The following MDM2 variants were observed in gnomAD, a reference collection of about 807,000 sequenced individuals.
The protein encoded by MDM2 is MDM2 proto-oncogene.
Under a neutral mutation model 64.3 loss-of-function variants are expected in MDM2, and 11 were observed. The ratio of observed to expected loss-of-function variants is 0.17; its 90% CI spans 0.11 to 0.28. MDM2 has a LOEUF of 0.28. Among genes scored for constraint, MDM2 ranks in the 10% least tolerant of loss-of-function variants. MDM2 has a pLI of 1.00. For synonymous variants in MDM2, 194 were observed against 192.9 expected, an observed-to-expected ratio of 1.01 and a Z score of -0.05; for missense variants, 388 against 577.1, an observed-to-expected ratio of 0.67 and a Z score of 3.36.
Position 68,808,252 on chromosome 12 carries a change from G to C in MDM2, c.-226G>C, listed in dbSNP as rs1375986983. The C allele has an allele frequency of 3.4e-6, 2 of 595,796 alleles. No homozygotes were observed. The highest frequency in any genetic ancestry group is 1.9e-5 in the African/African-American group (1 of 52,692). The allele number at this position is 595,796 out of a possible 1,614,324, so 36.9% of individuals were successfully genotyped here. A position where few individuals can be genotyped will look rare whatever the true frequency, so the allele number is the denominator to read the frequency against. Reference sequence around the variant, plus strand: ...TGGCCCTGTGTGTCGGAAAGATGGAGCAAGAAGCCGAGCCCGAGGGGCGGC... The same window carrying C: ...TGGCCCTGTGTGTCGGAAAGATGGACCAAGAAGCCGAGCCCGAGGGGCGGC... On this transcript the variant is annotated 5_prime_UTR_variant, in exon 1 of 11. Coordinates refer to ENST00000258149, the MANE Select transcript of MDM2 (RefSeq NM_002392.6).
intron 2 of MDM2, among the ~76,000 whole-genome samples, chr12:68,810,397 G>C (rs569037074): frequency 5.9e-4 from 89 of 151,674 alleles, no homozygotes; most frequent in African/African-American, 2.1e-3. Flanking sequence ...CTGGTAACTT[G>C]CTCACCAAAA....
chr12:68,808,579 C>T, intron 1 of MDM2, 88 bp downstream of exon 1: 1 of 1,587,348 alleles, frequency 6.3e-7, no homozygotes, highest in Non-Finnish European at 8.6e-7. Flanking sequence ...TGCCCGTTCG[C>T]AGCCTTTGTG....
chr12:68,828,819 A>C lies in MDM2; in HGVS notation c.572A>C (p.Lys191Thr), dbSNP rs1882555043. 6.2e-7 allele frequency: 1 copy of C among 1,613,984 alleles called. No individual in the cohort carries two copies. Among genetic ancestry groups the C allele is most frequent in the African/African-American group, 1.3e-5 (1 of 74,924 alleles). ...GGTGAACGACAAAGAAAACGCCACA[A>C]ATCTGATAGTATTTCCCTTTCCTTT... is the stretch of plus-strand genomic sequence containing the variant. Reference protein sequence around the residue: ...LSGERQRKRHKSDSISLSFDE... With the variant: ...LSGERQRKRHTSDSISLSFDE... The change falls in exon 8 of 11, where the codon AAA becomes ACA. Residue 191 changes from lysine (K) to threonine (T), a missense_variant. Coordinates refer to ENST00000258149, the MANE Select transcript of MDM2 (RefSeq NM_002392.6).
Position 68,842,230 on chromosome 12 carries a change from A to G in MDM2, c.*2381A>G. 1 of 498,660 alleles carries G rather than the reference A, an allele frequency of 2.0e-6. No homozygotes were observed. Among genetic ancestry groups the G allele is most frequent in the Non-Finnish European group, 4.0e-6 (1 of 252,504 alleles). The allele number at this position is 498,660 out of a possible 1,614,324, so 30.9% of individuals were successfully genotyped here. A position where few individuals can be genotyped will look rare whatever the true frequency, so the allele number is the denominator to read the frequency against. On this transcript the variant is annotated 3_prime_UTR_variant, in exon 11 of 11. Coordinates refer to ENST00000258149, the MANE Select transcript of MDM2 (RefSeq NM_002392.6). ...ATCAAACAAATGCCAAGCTATATTTATAATGAACAAATTCAAGAAAAAGGA... is the reference window on the plus strand; with the variant it reads ...ATCAAACAAATGCCAAGCTATATTTGTAATGAACAAATTCAAGAAAAAGGA...
At chr12:68,829,933 A>T (rs527812460) in intron 8 of MDM2, among the ~76,000 whole-genome samples, 1 of 152,248 alleles carries the variant, frequency 6.6e-6, no homozygotes, top group Non-Finnish European at 1.5e-5. Context: ...AGAATGCTTG[A>T]CAAATGGAAT....
In MDM2 at chr12:68,809,052, C is replaced by CACGG. The variant is rs1485898157; in HGVS notation, c.15-152_15-149dup. 3 of 1,497,390 alleles carry CACGG rather than the reference C, an allele frequency of 2.0e-6. No homozygotes were observed. In the African/African-American group the frequency reaches 4.2e-5, roughly 21 times the overall value. The allele number at this position is 1,497,390 out of a possible 1,614,324, so 92.8% of individuals were successfully genotyped here. On this transcript the variant is annotated intron_variant, in intron 1 of 10. Coordinates refer to ENST00000258149, the MANE Select transcript of MDM2 (RefSeq NM_002392.6). ...GGCGATTGGAGGGTAGACCTGTGGGCACGGACGCACGCCACTTTTTCTCTG... is the reference window on the plus strand; with the variant it reads ...GGCGATTGGAGGGTAGACCTGTGGGCACGGACGGACGCACGCCACTTTTTCTCTG...
intron 5 of MDM2, among the ~76,000 whole-genome samples, chr12:68,822,702 A>G (rs528979170): frequency 3.3e-5 from 5 of 151,966 alleles, no homozygotes; most frequent in Non-Finnish European, 7.4e-5. Context: ...AGATATCAGT[A>G]GAATTAACTT....
chr12:68,836,864 G>C, intron 10 of MDM2, 115 bp downstream of exon 10: 1 of 611,258 alleles, frequency 1.6e-6, no homozygotes. Context: ...AAATGTTTTT[G>C]TAAAGTCTGA....
chr12:68,825,728 C>CTGT (rs1203845465), intron 7 of MDM2, among the ~76,000 whole-genome samples: 1 of 152,232 alleles, frequency 6.6e-6, no homozygotes, highest in Non-Finnish European at 1.5e-5. Context: ...GACGAGAAGG[C>CTGT]TGTTGCCTGA....
chr12:68,824,534 A>T, intron 6 of MDM2, 21 bp from the exon 7 acceptor site: 1 of 1,603,408 alleles, frequency 6.2e-7, no homozygotes, highest in Non-Finnish European at 8.5e-7. Context: ...GTTGTATTTT[A>T]TTTTTTTCCT....
chr12:68,832,881 C>A (rs191737641), intron 8 of MDM2, among the ~76,000 whole-genome samples: 220 of 151,608 alleles, frequency 1.5e-3, no homozygotes, highest in African/African-American at 4.6e-3. Context: ...AATCCCAGCA[C>A]TTTGGGAGGC....
rs1352233718 is a variant in MDM2 at position 68,835,833 on chromosome 12, T to G, written c.689T>G (p.Leu230Arg). 2 of 1,611,280 alleles carry G rather than the reference T, an allele frequency of 1.2e-6. No homozygotes were observed. The highest frequency in any genetic ancestry group is 2.7e-5 in the African/African-American group (2 of 74,782). ...ESTGTPSNPD[L>R]DAGVSEHSGD... ...TATATTTTTTTCTTGTTTTAGGATC[T>G]TGATGCTGGTGTAAGTGAACATTCA... The change falls in exon 9 of 11, where the codon CTT becomes CGT. Residue 230 changes from leucine to arginine, a missense_variant. By Grantham distance (102) the Leu-to-Arg change is moderately radical. This residue lies in a region of MDM2 where 168 missense variants were observed against 236.6 expected (regional missense o/e 0.71). Transcript: ENST00000258149.
rs140805921 is a variant in MDM2 at position 68,829,702 on chromosome 12, G to A, written c.684+771G>A. ...AATCGCTCGAACCCAGGAGTTGGAG[G>A]TTGCAGTGAGCTGAGATTGTGCCAC... On this transcript the variant is annotated intron_variant, in intron 8 of 10. Coordinates refer to ENST00000258149, the MANE Select transcript of MDM2 (RefSeq NM_002392.6). 6.7e-3 allele frequency among the ~76,000 whole-genome samples: 1,003 copies of A among 150,706 alleles called. 13 individuals are homozygous for A. The highest frequency in any genetic ancestry group is 0.023 in the African/African-American group (949 of 40,602).
chr12:68,834,548 C>G (rs998792018), intron 8 of MDM2, among the ~76,000 whole-genome samples: 2 of 151,754 alleles, frequency 1.3e-5, no homozygotes, highest in African/African-American at 4.8e-5. Flanking sequence ...ACCAGCCTGG[C>G]CAACATGGTG....
At chr12:68,831,067 T>C (rs900731864) in intron 8 of MDM2, among the ~76,000 whole-genome samples, 2 of 152,218 alleles carry the variant, frequency 1.3e-5, no homozygotes, top group Admixed American at 6.5e-5. Flanking sequence ...TTAGAGTCCT[T>C]GTTCCTGCTT....
chr12:68,808,551 TCG>T (rs1880567151), intron 1 of MDM2, 60 bp downstream of exon 1: 1 of 1,610,648 alleles, frequency 6.2e-7, no homozygotes, highest in African/African-American at 1.3e-5. Flanking sequence ...GTCCCCTCTA[TCG>T]CTGGTTCCCA....
chr12:68,815,867 T>C (rs1881328154), intron 3 of MDM2: 1 of 163,908 alleles, frequency 6.1e-6, no homozygotes, highest in African/African-American at 2.4e-5. Context: ...AATAGGTTTA[T>C]ATCTGGATAT....
intron 4 of MDM2, 28 bp from the exon 5 acceptor site, chr12:68,820,295 CTT>C (rs1163392980): frequency 4.1e-6 from 6 of 1,463,230 alleles, no homozygotes; most frequent in African/African-American, 1.4e-5. Context: ...ATGTACATCT[CTT>C]GTTATTTTTT....
downstream of MDM2, chr12:68,846,867 C>G (rs1432026888): frequency 2.0e-5 from 3 of 152,026 alleles, no homozygotes; most frequent in Non-Finnish European, 4.4e-5. Context: ...TGGGGTCTGG[C>G]AGGTAGTAAG....
Sources: gnomAD v4.1 joint callset for allele counts (sites outside exome capture counted in the v4.1 genomes callset) on GRCh38, gnomAD v4.1.1 for gene constraint, gnomAD v4.1.1 regional missense constraint, MANE v1.5 for transcripts, NCBI Gene and HGNC (gene_info 2026-07-23, HGNC 2026-07-21) for gene names.